Variants in LAMP5 observed in about 807,000 individuals in gnomAD.
The protein encoded by LAMP5 is lysosome-associated membrane glycoprotein 5.
LAMP5 carries 36 observed loss-of-function variants against 30.2 expected under a neutral mutation model. The ratio of observed to expected loss-of-function variants is 1.19; its 90% CI spans 0.91 to 1.57. The LOEUF (loss-of-function observed/expected upper bound fraction) is 1.57. Among genes scored for constraint, LAMP5 ranks in the 40% most tolerant of loss-of-function variants. The pLI, the probability that LAMP5 is intolerant of heterozygous loss-of-function variation, is 0.00. For missense variants in LAMP5, 377 were observed against 354.9 expected (o/e 1.06, Z -0.50); for synonymous variants, 149 against 134.6 (o/e 1.11, Z -0.74).
chr20:9,515,905 C>G, intron 2 of LAMP5, 95 bp from the exon 3 acceptor site: 1 of 1,371,578 alleles, frequency 7.3e-7, no homozygotes, highest in South Asian at 1.6e-5. Flanking sequence ...AAGGAGCGCC[C>G]AAGCGTGCAA....
chr20:9,515,494 C>A lies in LAMP5; in HGVS notation c.106C>A (p.Leu36Ile), dbSNP rs1473806566. The A allele has an allele frequency of 6.2e-7, 1 of 1,613,978 alleles. No homozygotes were observed. Among genetic ancestry groups the A allele is most frequent in the Non-Finnish European group, 8.5e-7 (1 of 1,180,000 alleles). The stretch of plus-strand genomic sequence containing the variant: ...CATGGCAGAACAAGAAGTGGAAAAT[C>A]TCTCAGGCCTTTCCACTAACCCTGA... ...QIMAEQEVENLSGLSTNPEKD... is the reference protein window; with the variant it reads ...QIMAEQEVENISGLSTNPEKD... Residue 36 changes from leucine to isoleucine, a missense_variant, in exon 2 of 6, where the codon CTC (leucine) becomes ATC (isoleucine). By Grantham distance (5) the Leu-to-Ile change is conservative. Transcript: ENST00000246070.
intron 5 of LAMP5, among the ~76,000 whole-genome samples, chr20:9,519,700 G>C (rs942382216): frequency 1.3e-5 from 2 of 152,116 alleles, no homozygotes; most frequent in African/African-American, 4.8e-5. Flanking sequence ...AAAATAATTG[G>C]ACTATGTAAT....
chr20:9,517,208 A>G (rs1169720179), intron 4 of LAMP5, among the ~76,000 whole-genome samples: 3 of 152,168 alleles, frequency 2.0e-5, no homozygotes, highest in Non-Finnish European at 4.4e-5. Context: ...GATGTCCCCC[A>G]GTTAAATTAG....
At chr20:9,516,479 T>G in intron 4 of LAMP5, 118 bp downstream of exon 4, 2 of 827,238 alleles carry the variant, frequency 2.4e-6, no homozygotes, top group Non-Finnish European at 4.0e-6. Flanking sequence ...AGGCCAAGTC[T>G]TCCCTCGGCT....
At chr20:9,524,585 C>T (rs1375870690) in intron 5 of LAMP5, among the ~76,000 whole-genome samples, 2 of 113,956 alleles carry the variant, frequency 1.8e-5, no homozygotes, top group Non-Finnish European at 3.5e-5. Flanking sequence ...ATCTAAAACC[C>T]AGATCGAACT....
intron 5 of LAMP5, among the ~76,000 whole-genome samples, chr20:9,519,918 C>T (rs2045068193): frequency 6.6e-6 from 1 of 152,110 alleles, no homozygotes; most frequent in African/African-American, 2.4e-5. Context: ...TTGCCTATGG[C>T]CTGAGAAATC....
At chr20:9,521,090 A>G (rs1003718572) in intron 5 of LAMP5, among the ~76,000 whole-genome samples, 3 of 152,158 alleles carry the variant, frequency 2.0e-5, no homozygotes, top group Non-Finnish European at 4.4e-5. Context: ...ATTGGGTGAC[A>G]GTTGGAAAGG....
At position 9,529,925 on chromosome 20, in the gene LAMP5, A is replaced by T; in HGVS notation, c.*105A>T. 8 of 1,154,932 alleles carry T rather than the reference A, an allele frequency of 6.9e-6. No homozygotes were observed. In the South Asian group the frequency reaches 1.2e-4, roughly 18 times the overall value. The allele number at this position is 1,154,932 out of a possible 1,614,324, so 71.5% of individuals were successfully genotyped here. On this transcript the variant is annotated 3_prime_UTR_variant, in exon 6 of 6. Transcript: ENST00000246070. ...ACACGAGATACACCAACATAGCTAC[A>T]ATCAAACAGGCCTGGGTATCTGAGG... is the stretch of plus-strand genomic sequence containing the variant.
intron 5 of LAMP5, among the ~76,000 whole-genome samples, chr20:9,523,761 C>T (rs1168232316): frequency 6.6e-6 from 1 of 152,022 alleles, no homozygotes; most frequent in Non-Finnish European, 1.5e-5. Flanking sequence ...GTCAGGGGTT[C>T]AGGGAGGTCT....
chr20:9,526,848 ATGTGTG>A (rs199927844), intron 5 of LAMP5, among the ~76,000 whole-genome samples: 1 of 108,316 alleles, frequency 9.2e-6, no homozygotes, highest in Non-Finnish European at 1.8e-5. Context: ...ACATATACAT[ATGTGTG>A]TGTGTGTATA....
chr20:9,515,016 C>T, intron 1 of LAMP5, 100 bp downstream of exon 1: 2 of 1,105,030 alleles, frequency 1.8e-6, no homozygotes, highest in Non-Finnish European at 2.7e-6. Flanking sequence ...AAAATATGGC[C>T]CTTAATGTTT....
chr20:9,520,183 C>T (rs1337183434), intron 5 of LAMP5, among the ~76,000 whole-genome samples: 1 of 152,180 alleles, frequency 6.6e-6, no homozygotes, highest in Non-Finnish European at 1.5e-5. Flanking sequence ...TTGTCTCACC[C>T]CAGGCTTTTA....
chr20:9,518,735 TTTC>T (rs2045060021), intron 5 of LAMP5, among the ~76,000 whole-genome samples: 1 of 152,252 alleles, frequency 6.6e-6, no homozygotes, highest in Non-Finnish European at 1.5e-5. Flanking sequence ...TCTGGGCCCG[TTTC>T]TTCTTGTTCT....
At chr20:9,526,880 A>G (rs1218382177) in intron 5 of LAMP5, among the ~76,000 whole-genome samples, 8 of 115,998 alleles carry the variant, frequency 6.9e-5, no homozygotes, top group Admixed American at 1.6e-4. Flanking sequence ...ATATATATAT[A>G]TATATATATA....
chr20:9,522,972 CTTTTTTTTTTT>C (rs60017722), intron 5 of LAMP5, among the ~76,000 whole-genome samples: 2 of 104,166 alleles, frequency 1.9e-5, no homozygotes, highest in East Asian at 3.1e-4. Context: ...ATACTTAAAT[CTTTTTTTTTTT>C]TTTTTTTTTT....
At position 9,515,456 on chromosome 20, in the gene LAMP5, C is replaced by A; in HGVS notation, c.68C>A (p.Thr23Lys). The A allele has an allele frequency of 6.2e-7, 1 of 1,613,228 alleles. No individual in the cohort carries two copies. Among genetic ancestry groups the A allele is most frequent in the Non-Finnish European group, 8.5e-7 (1 of 1,179,526 alleles). ...AATTGTTTTGTTTGTTCCGCAGATACAATGGCTCAAATCATGGCAGAACAA... is the reference window on the plus strand; with the variant it reads ...AATTGTTTTGTTTGTTCCGCAGATAAAATGGCTCAAATCATGGCAGAACAA... ...RLRVLLMLFH[T>K]MAQIMAEQEV... The change falls in exon 2 of 6, where the codon ACA (threonine) becomes AAA (lysine). Residue 23 changes from threonine (T) to lysine (K), a missense_variant. Coordinates refer to ENST00000246070, the MANE Select transcript of LAMP5 (RefSeq NM_012261.4).
At chr20:9,524,246 A>G (rs565185861) in intron 5 of LAMP5, among the ~76,000 whole-genome samples, 57 of 152,264 alleles carry the variant, frequency 3.7e-4, no homozygotes, top group African/African-American at 1.1e-3. Context: ...TTTATTTTTT[A>G]TTCATTCATA....
At chr20:9,516,452 C>A in intron 4 of LAMP5, 91 bp downstream of exon 4, 1 of 1,131,834 alleles carries the variant, frequency 8.8e-7, no homozygotes, top group Non-Finnish European at 1.3e-6. Flanking sequence ...GGAAACCGTC[C>A]CACGCTTTGA....
intron 2 of LAMP5, 45 bp from the exon 3 acceptor site, chr20:9,515,955 C>T (rs1275191482): frequency 4.1e-6 from 6 of 1,457,442 alleles, no homozygotes; most frequent in African/African-American, 2.8e-5. Flanking sequence ...GCCCCCGCCC[C>T]GGGGCCGGGC....
Sources: gnomAD v4.1 joint callset for allele counts (sites outside exome capture counted in the v4.1 genomes callset) on GRCh38, gnomAD v4.1.1 for gene constraint, MANE v1.5 for transcripts, NCBI Gene and HGNC (gene_info 2026-07-23, HGNC 2026-07-21) for gene names.